The following TOM1L2 variants were observed in gnomAD, a reference collection of about 807,000 sequenced individuals.
TOM1L2 encodes the protein target of myb1 like 2 membrane trafficking protein.
Under a neutral mutation model 67.9 loss-of-function variants are expected in TOM1L2, and 31 were observed. The observed-to-expected ratio is 0.46, with a 90% confidence interval of 0.34 to 0.62. TOM1L2 has a LOEUF of 0.62. Among genes scored for constraint, TOM1L2 ranks in the 20% least tolerant of loss-of-function variants. The pLI is 0.01. For missense variants in TOM1L2, 606 were observed against 663.5 expected (o/e 0.91, Z 0.95); for synonymous variants, 256 against 254.0 (o/e 1.01, Z -0.07).
chr17:17,925,168 G>A (rs1455172893), intron 1 of TOM1L2, among the ~76,000 whole-genome samples: 2 of 152,108 alleles, frequency 1.3e-5, no homozygotes, highest in Non-Finnish European at 1.5e-5. Flanking sequence ...GCAAAACCAT[G>A]AGCCAAATAA....
Position 17,862,827 on chromosome 17 carries a change from C to G in TOM1L2, c.1106G>C (p.Ser369Thr), listed in dbSNP as rs763131283. ...AGLDLGTESVSGTLSSLQQCN... is the reference protein window; with the variant it reads ...AGLDLGTESVTGTLSSLQQCN... ...TTGCTGGAGTGAACTGAGGGTGCCA[C>G]TGACGCTCTCTGTCCCCAAGTCTGT... The change falls in exon 11 of 15, where the codon AGT becomes ACT. Residue 369 changes from serine to threonine, a missense_variant. This residue lies in a region of TOM1L2 where 543 missense variants were observed against 554.0 expected (regional missense o/e 0.98). Transcript: ENST00000379504. 3.1e-6 allele frequency: 5 copies of G among 1,614,034 alleles called. No homozygotes were observed. The highest frequency in any genetic ancestry group is 4.2e-6 in the Non-Finnish European group (5 of 1,180,024).
rs749804679 is a variant in TOM1L2, at chr17:17,893,761, A to G, written c.266T>C (p.Val89Ala). 1 of 1,614,222 alleles carries G rather than the reference A, an allele frequency of 6.2e-7. No individual in the cohort carries two copies. The highest frequency in any genetic ancestry group is 2.2e-5 in the East Asian group (1 of 44,890). Reference sequence around the variant, plus strand: ...ACTGTCGATGAAATCTCGGTTGGCCACAAGGATGTGGAAGCGGTGGCCACA... The same window carrying G: ...ACTGTCGATGAAATCTCGGTTGGCCGCAAGGATGTGGAAGCGGTGGCCACA... ...KNCGHRFHIL[V>A]ANRDFIDSVL... is the part of the protein sequence containing the mutation. Residue 89 changes from valine to alanine, a missense_variant, in exon 4 of 15, where the codon GTG becomes GCG. Coordinates refer to ENST00000379504, the MANE Select transcript of TOM1L2 (RefSeq NM_001082968.2).
chr17:17,962,464 T>C (rs909502212), intron 1 of TOM1L2, among the ~76,000 whole-genome samples: 16 of 151,970 alleles, frequency 1.1e-4, no homozygotes, highest in African/African-American at 3.6e-4. Flanking sequence ...AGGCGCACAC[T>C]GCCATGCCCG....
At chr17:17,848,104 C>T (rs1298623786) in intron 14 of TOM1L2, among the ~76,000 whole-genome samples, 3 of 152,014 alleles carry the variant, frequency 2.0e-5, no homozygotes, top group Non-Finnish European at 4.4e-5. Context: ...GCTGGAGGGG[C>T]CAGCTTCTGA....
chr17:17,903,294 T>C (rs900024880), intron 2 of TOM1L2, among the ~76,000 whole-genome samples: 1 of 152,186 alleles, frequency 6.6e-6, no homozygotes, highest in Non-Finnish European at 1.5e-5. Context: ...TATTAACAGC[T>C]AATCAAATGC....
At chr17:17,868,876 T>A in intron 8 of TOM1L2, 1 of 166,604 alleles carries the variant, frequency 6.0e-6, no homozygotes, top group East Asian at 1.6e-4. Context: ...AACATTGACA[T>A]TTGCAAAGGG....
chr17:17,884,558 C>T, intron 5 of TOM1L2, 76 bp downstream of exon 5: 1 of 1,591,996 alleles, frequency 6.3e-7, no homozygotes, highest in Admixed American at 1.7e-5. Context: ...AAGGCAGCAG[C>T]AGAAGGGTGG....
At chr17:17,894,060 T>C (rs1206661204) in intron 3 of TOM1L2, among the ~76,000 whole-genome samples, 2 of 152,232 alleles carry the variant, frequency 1.3e-5, no homozygotes, top group Non-Finnish European at 2.9e-5. Context: ...TAGTTGGTAA[T>C]TGAGGCACCA....
chr17:17,954,189 T>C (rs187903137), intron 1 of TOM1L2, among the ~76,000 whole-genome samples: 88 of 152,292 alleles, frequency 5.8e-4, no homozygotes, highest in Non-Finnish European at 9.0e-4. Context: ...CCAAAGGCCA[T>C]GCTGAGCACA....
At chr17:17,940,676 C>A (rs986537720) in intron 1 of TOM1L2, among the ~76,000 whole-genome samples, 8 of 152,330 alleles carry the variant, frequency 5.3e-5, no homozygotes, top group Middle Eastern at 6.8e-3. Flanking sequence ...AAGGCAAATT[C>A]TTTTCCTAAT....
chr17:17,855,324 C>G (rs2143593474), intron 12 of TOM1L2, among the ~76,000 whole-genome samples: 1 of 152,268 alleles, frequency 6.6e-6, no homozygotes, highest in Non-Finnish European at 1.5e-5. Context: ...GGAGGGAGTC[C>G]CGCCCTCCAA....
chr17:17,898,220 G>A lies in TOM1L2; in HGVS notation c.216+376C>T, dbSNP rs141629879. On this transcript the variant is annotated intron_variant, in intron 3 of 14. Transcript: ENST00000379504. The stretch of plus-strand genomic sequence containing the variant: ...ATTACAGGTGTGAGTCACCGCGCCT[G>A]GCCAACATTTTTACAAAGAGGAAAC... Among the ~76,000 whole-genome samples the A allele has an allele frequency of 4.8e-3, 734 of 152,202 alleles. 21 individuals carry two copies. The highest frequency in any genetic ancestry group is 0.042 in the Admixed American group (636 of 15,276).
At chr17:17,908,683 A>G (rs78228545) in intron 1 of TOM1L2, among the ~76,000 whole-genome samples, 3,778 of 152,314 alleles carry the variant, frequency 0.025, 132 homozygotes, top group African/African-American at 0.08. Context: ...AGTATGTGAA[A>G]AGAGGTTCAA....
rs772516795 is a variant in TOM1L2, at chr17:17,893,777, G to A, written c.250C>T (p.Arg84Cys). The A allele has an allele frequency of 3.7e-6, 6 of 1,613,974 alleles. No homozygotes were observed. Among genetic ancestry groups the A allele is most frequent in the Non-Finnish European group, 5.1e-6 (6 of 1,179,996 alleles). ...CGGTTGGCCACAAGGATGTGGAAGC[G>A]GTGGCCACAGTTCTTCACACATGTC... is the stretch of plus-strand genomic sequence containing the variant. Reference protein sequence around the residue: ...LETCVKNCGHRFHILVANRDF... With the variant: ...LETCVKNCGHCFHILVANRDF... The change falls in exon 4 of 15, where the codon CGC becomes TGC. Residue 84 changes from arginine to cysteine, a missense_variant. By Grantham distance (180) the Arg-to-Cys change is radical. This residue lies in a region of TOM1L2 where 63 missense variants were observed against 109.5 expected (regional missense o/e 0.58). Coordinates refer to ENST00000379504, the MANE Select transcript of TOM1L2 (RefSeq NM_001082968.2).
intron 7 of TOM1L2, among the ~76,000 whole-genome samples, chr17:17,878,119 T>G (rs956815895): frequency 2.0e-5 from 3 of 152,248 alleles, no homozygotes; most frequent in Admixed American, 1.3e-4. Context: ...CCTGTGCATC[T>G]GGGTAACGCC....
chr17:17,882,753 C>A lies in TOM1L2; in HGVS notation c.612G>T (p.Gln204His). Residue 204 changes from glutamine to histidine, a missense_variant, in exon 6 of 15, where the codon CAG becomes CAT. By Grantham distance (24) the Gln-to-His change is conservative. Coordinates refer to ENST00000379504, the MANE Select transcript of TOM1L2 (RefSeq NM_001082968.2). ...SPPPAPYSAP[Q>H]APALSVTGPI... ...GGCCAGTCACACTCAGAGCTGGGGC[C>A]TGCGGTGCGGAGTAGGGAGCAGGAG... The A allele has an allele frequency of 6.2e-7, 1 of 1,614,224 alleles. No homozygotes were observed. The highest frequency in any genetic ancestry group is 8.5e-7 in the Non-Finnish European group (1 of 1,180,050).
chr17:17,942,908 G>C (rs148181569), intron 1 of TOM1L2, among the ~76,000 whole-genome samples: 1 of 152,186 alleles, frequency 6.6e-6, no homozygotes, highest in African/African-American at 2.4e-5. Context: ...AAGACTGTTA[G>C]AAGTAAACAA....
intron 7 of TOM1L2, chr17:17,869,863 C>T (rs928072557): frequency 4.9e-6 from 1 of 204,254 alleles, no homozygotes; most frequent in Non-Finnish European, 9.1e-6. Context: ...TGTATCTCGC[C>T]ATTCTTCTAT....
chr17:17,879,754 C>T lies in TOM1L2; in HGVS notation c.661-11G>A. 6.2e-7 allele frequency: 1 copy of T among 1,609,260 alleles called. No homozygotes were observed. Among genetic ancestry groups the T allele is most frequent in the Non-Finnish European group, 8.5e-7 (1 of 1,175,558 alleles). On this transcript the variant is annotated splice_polypyrimidine_tract_variant and intron_variant, in intron 6 of 14. Transcript: ENST00000379504. ...CCGCAGCCTGGCAATCTGGTGGGGG[C>T]CACGAGGAAGGAAAGCAGGAAGGAA...
Sources: gnomAD v4.1 joint callset for allele counts (sites outside exome capture counted in the v4.1 genomes callset) on GRCh38, gnomAD v4.1.1 for gene constraint, gnomAD v4.1.1 regional missense constraint, MANE v1.5 for transcripts, NCBI Gene and HGNC (gene_info 2026-07-23, HGNC 2026-07-21) for gene names.